Variants in GALNT17 observed in about 807,000 individuals in gnomAD.
GALNT17 encodes the protein UDP-GalNAc:polypeptide N-acetylgalactosaminyltransferase-like 3.
A neutral mutation model predicts 63.7 loss-of-function variants in GALNT17; 29 were observed. The ratio of observed to expected loss-of-function variants is 0.46; its 90% CI spans 0.34 to 0.62. GALNT17 has a LOEUF of 0.62. Among genes scored for constraint, GALNT17 ranks in the 20% least tolerant of loss-of-function variants. The pLI is 0.01. For synonymous variants in GALNT17, 305 were observed against 318.3 expected (o/e 0.96, Z 0.45); for missense variants, 603 against 799.6 (o/e 0.75, Z 2.97).
At chr7:71,275,590 C>T (rs556708007) in intron 1 of GALNT17, among the ~76,000 whole-genome samples, 8 of 152,214 alleles carry the variant, frequency 5.3e-5, no homozygotes, top group African/African-American at 9.6e-5. Context: ...CACAGCTCAG[C>T]GCCTGTCACA....
chr7:71,647,692 A>G (rs1790699681), intron 6 of GALNT17, among the ~76,000 whole-genome samples: 1 of 152,178 alleles, frequency 6.6e-6, no homozygotes, highest in African/African-American at 2.4e-5. Flanking sequence ...CCATGAACAC[A>G]TCCCCATGGA....
intron 5 of GALNT17, among the ~76,000 whole-genome samples, chr7:71,522,129 C>CT (rs1788540870): frequency 6.6e-6 from 1 of 152,166 alleles, no homozygotes; most frequent in African/African-American, 2.4e-5. Context: ...CGGATCCACA[C>CT]TTTGTCTTCT....
chr7:71,137,025 C>G (rs1787796219), intron 1 of GALNT17, among the ~76,000 whole-genome samples: 2 of 147,456 alleles, frequency 1.4e-5, no homozygotes, highest in African/African-American at 5.0e-5. Context: ...CCCACCCCCA[C>G]CCCCTTTTCA....
chr7:71,655,292 T>C (rs1386539358), intron 6 of GALNT17, among the ~76,000 whole-genome samples: 5 of 152,126 alleles, frequency 3.3e-5, no homozygotes, highest in Non-Finnish European at 7.3e-5. Flanking sequence ...CAAAAAACTT[T>C]CTGCTACCTG....
chr7:71,385,406 C>T (rs1007634858), intron 2 of GALNT17, among the ~76,000 whole-genome samples: 9 of 152,158 alleles, frequency 5.9e-5, no homozygotes, highest in Non-Finnish European at 8.8e-5. Flanking sequence ...ATGATGGTGA[C>T]GACAGAGTCA....
intron 2 of GALNT17, among the ~76,000 whole-genome samples, chr7:71,346,660 T>G (rs1213805670): frequency 6.6e-6 from 1 of 151,236 alleles, no homozygotes; most frequent in East Asian, 2.0e-4. Context: ...GAATGGAACC[T>G]TCTCCTCTAT....
intron 1 of GALNT17, among the ~76,000 whole-genome samples, chr7:71,299,859 G>A (rs2867412): frequency 1 from 151,752 of 152,128 alleles, 75,690 homozygotes; most frequent in Middle Eastern, 1. Flanking sequence ...TCCGCCTCCC[G>A]GGTTCAAGTG....
rs771017589 is a variant in GALNT17, at chr7:71,420,970, A to G, written c.827A>G (p.Asp276Gly). The change falls in exon 5 of 11, where the codon GAC (aspartate) becomes GGC (glycine). Residue 276 changes from aspartate (D) to glycine (G), a missense_variant. Asp to Gly is a moderately conservative substitution (Grantham distance 94). This residue lies in a region of GALNT17 where 336 missense variants were observed against 507.8 expected (regional missense o/e 0.66). Coordinates refer to ENST00000333538, the MANE Select transcript of GALNT17 (RefSeq NM_022479.3). ...NRKRVILPSIDNIKQDNFEVQ... is the reference protein window; with the variant it reads ...NRKRVILPSIGNIKQDNFEVQ... ...AAGCGTGTGATCCTCCCCTCCATTG[A>G]CAACATCAAACAGGACAACTTTGAG... is the stretch of plus-strand genomic sequence containing the variant. The G allele has an allele frequency of 6.2e-7, 1 of 1,614,116 alleles. No homozygotes were observed. Among genetic ancestry groups the G allele is most frequent in the Non-Finnish European group, 8.5e-7 (1 of 1,180,010 alleles).
intron 1 of GALNT17, among the ~76,000 whole-genome samples, chr7:71,263,652 G>A (rs1053878680): frequency 1.8e-4 from 28 of 152,194 alleles, no homozygotes; most frequent in African/African-American, 5.8e-4. Context: ...GGCCGGGAGC[G>A]GTGGCTCATG....
chr7:71,568,137 T>C (rs1354743200), intron 5 of GALNT17, among the ~76,000 whole-genome samples: 1 of 152,210 alleles, frequency 6.6e-6, no homozygotes, highest in East Asian at 1.9e-4. Flanking sequence ...TTCTGGCCTT[T>C]GGCAGTGGGG....
chr7:71,476,479 C>T (rs1583986419), intron 5 of GALNT17, among the ~76,000 whole-genome samples: 3 of 149,982 alleles, frequency 2.0e-5, no homozygotes, highest in East Asian at 3.9e-4. Flanking sequence ...GGTGGTATTG[C>T]CAAGTGAAAA....
At chr7:71,176,434 C>T (rs113886540) in intron 1 of GALNT17, among the ~76,000 whole-genome samples, 69 of 152,232 alleles carry the variant, frequency 4.5e-4, no homozygotes, top group African/African-American at 1.6e-3. Flanking sequence ...AGCAAAAAAT[C>T]TGACCTGACA....
chr7:71,283,387 G>A (rs1562969017), intron 1 of GALNT17, among the ~76,000 whole-genome samples: 1 of 151,980 alleles, frequency 6.6e-6, no homozygotes, highest in Non-Finnish European at 1.5e-5. Flanking sequence ...GTTTAATTAT[G>A]TTGATTATAT....
chr7:71,534,427 G>A (rs1040249816), intron 5 of GALNT17, among the ~76,000 whole-genome samples: 3 of 151,774 alleles, frequency 2.0e-5, no homozygotes, highest in African/African-American at 4.8e-5. Flanking sequence ...GTGAAACCCC[G>A]TCTCTACTAA....
chr7:71,627,730 A>G (rs1790394593), intron 6 of GALNT17, among the ~76,000 whole-genome samples: 1 of 152,226 alleles, frequency 6.6e-6, no homozygotes, highest in Non-Finnish European at 1.5e-5. Context: ...CAAGGGAAAT[A>G]AAAGAAAGGT....
At chr7:71,148,593 TA>T (rs1788067483) in intron 1 of GALNT17, among the ~76,000 whole-genome samples, 8 of 152,112 alleles carry the variant, frequency 5.3e-5, no homozygotes, top group African/African-American at 1.9e-4. Flanking sequence ...TTCCATTGAA[TA>T]TTAAAATTTA....
intron 1 of GALNT17, among the ~76,000 whole-genome samples, chr7:71,331,886 G>A (rs1791814172): frequency 6.6e-6 from 1 of 152,168 alleles, no homozygotes; most frequent in Non-Finnish European, 1.5e-5. Flanking sequence ...CTGAATAAAT[G>A]GTTGCTGTCA....
chr7:71,190,769 C>T (rs1788936974), intron 1 of GALNT17, among the ~76,000 whole-genome samples: 1 of 151,950 alleles, frequency 6.6e-6, no homozygotes, highest in Non-Finnish European at 1.5e-5. Flanking sequence ...GTATCAGGGA[C>T]TACAGGTGTG....
chr7:71,595,625 T>C (rs1421252075), intron 6 of GALNT17, among the ~76,000 whole-genome samples: 2 of 150,378 alleles, frequency 1.3e-5, no homozygotes, highest in Admixed American at 6.7e-5. Context: ...ATGTGTTGGC[T>C]CAAGACTCCT....
Sources: gnomAD v4.1 joint callset for allele counts (sites outside exome capture counted in the v4.1 genomes callset) on GRCh38, gnomAD v4.1.1 for gene constraint, gnomAD v4.1.1 regional missense constraint, MANE v1.5 for transcripts, NCBI Gene and HGNC (gene_info 2026-07-23, HGNC 2026-07-21) for gene names.